The following KCNQ5 variants were observed in gnomAD, a reference collection of about 807,000 sequenced individuals.
The protein encoded by KCNQ5 is potassium voltage-gated channel subfamily KQT member 5.
Under a neutral mutation model 98.2 loss-of-function variants are expected in KCNQ5, and 30 were observed. That is an observed-to-expected ratio of 0.31 (90% confidence interval 0.23 to 0.41). KCNQ5 has a LOEUF of 0.41. Ranked by LOEUF, KCNQ5 falls within the 10% of genes least tolerant of loss-of-function variation. The pLI is 1.00. For missense variants in KCNQ5, 835 were observed against 1,182.5 expected, an observed-to-expected ratio of 0.71 and a Z score of 4.31; for synonymous variants, 458 against 449.4, an observed-to-expected ratio of 1.02 and a Z score of -0.24.
At chr6:72,840,201 G>A (rs572647927) in intron 1 of KCNQ5, among the ~76,000 whole-genome samples, 107 of 152,226 alleles carry the variant, frequency 7.0e-4, no homozygotes, top group Non-Finnish European at 1.3e-3. Context: ...ACAATTGTGA[G>A]TAATGCTGCA....
At chr6:73,111,911 T>A (rs1378047668) in intron 7 of KCNQ5, among the ~76,000 whole-genome samples, 1 of 152,222 alleles carries the variant, frequency 6.6e-6, no homozygotes, top group African/African-American at 2.4e-5. Flanking sequence ...TATCCTATTT[T>A]GAGAGCTGAT....
chr6:73,120,185 G>T (rs141642974), intron 7 of KCNQ5, among the ~76,000 whole-genome samples: 71 of 152,174 alleles, frequency 4.7e-4, no homozygotes, highest in African/African-American at 1.7e-3. Flanking sequence ...GGCAGAGATT[G>T]CAATGAGCTG....
rs72943353 is a variant in KCNQ5 at position 72,909,317 on chromosome 6, A to G, written c.399-94591A>G. Among the ~76,000 whole-genome samples the G allele has an allele frequency of 7.5e-3, 1,142 of 152,358 alleles. 9 individuals are homozygous for G. Among genetic ancestry groups the G allele is most frequent in the South Asian group, 0.021 (99 of 4,828 alleles). ...GATACTGAGTGAAGTTTTAAAAATA[A>G]AGAAAACAGAAGCAGTAATAGCAGA... is the stretch of plus-strand genomic sequence containing the variant. On this transcript the variant is annotated intron_variant, in intron 1 of 13. Transcript: ENST00000370398.
intron 1 of KCNQ5, among the ~76,000 whole-genome samples, chr6:72,775,059 C>T (rs1284767766): frequency 1.3e-5 from 2 of 152,096 alleles, no homozygotes; most frequent in African/African-American, 4.8e-5. Flanking sequence ...GGGAACTATC[C>T]AATGCACAGC....
At chr6:73,164,426 TA>T (rs1486287251) in intron 10 of KCNQ5, among the ~76,000 whole-genome samples, 1 of 152,210 alleles carries the variant, frequency 6.6e-6, no homozygotes, top group East Asian at 1.9e-4. Context: ...AATCAAGTTA[TA>T]AAGTGCTGTA....
intron 1 of KCNQ5, among the ~76,000 whole-genome samples, chr6:72,879,150 G>A (rs1171847290): frequency 1.3e-5 from 2 of 151,954 alleles, no homozygotes; most frequent in East Asian, 1.9e-4. Flanking sequence ...TAATTTTTAG[G>A]TTATAGGTTC....
At chr6:72,807,640 C>A (rs1260892060) in intron 1 of KCNQ5, among the ~76,000 whole-genome samples, 1 of 152,080 alleles carries the variant, frequency 6.6e-6, no homozygotes, top group African/African-American at 2.4e-5. Flanking sequence ...TCCTAAGTAA[C>A]TAGGACTAAA....
At chr6:73,024,381 TGATAGATA>T (rs1554198956) in intron 2 of KCNQ5, among the ~76,000 whole-genome samples, 38 of 120,654 alleles carry the variant, frequency 3.1e-4, no homozygotes, top group African/African-American at 1.2e-3. Flanking sequence ...GATAGATAGA[TGATAGATA>T]GATAGATAGA....
rs143091725 is a variant in KCNQ5 at position 72,942,858 on chromosome 6, G to A, written c.399-61050G>A. 1.2e-3 allele frequency among the ~76,000 whole-genome samples: 176 copies of A among 152,252 alleles called. 1 individual carries two copies. Among genetic ancestry groups the A allele is most frequent in the African/African-American group, 4.1e-3 (169 of 41,556 alleles). ...TTTGGCTGATTTCAGGAAGAAAAAT[G>A]GCTGTAGTTTTTAATGAAAAATCAC... is the stretch of plus-strand genomic sequence containing the variant. On this transcript the variant is annotated intron_variant, in intron 1 of 13. Transcript: ENST00000370398.
chr6:72,757,932 A>G (rs776976404), intron 1 of KCNQ5, among the ~76,000 whole-genome samples: 1 of 152,004 alleles, frequency 6.6e-6, no homozygotes, highest in East Asian at 1.9e-4. Flanking sequence ...GATGTGAGAG[A>G]TATTTATTTG....
intron 11 of KCNQ5, among the ~76,000 whole-genome samples, chr6:73,175,914 T>A (rs141903402): frequency 6.6e-6 from 1 of 152,270 alleles, no homozygotes; most frequent in African/African-American, 2.4e-5. Context: ...CTGGTAGATA[T>A]GTAGGAACTA....
chr6:73,050,002 A>C (rs1363726222), intron 3 of KCNQ5, among the ~76,000 whole-genome samples: 1 of 152,078 alleles, frequency 6.6e-6, no homozygotes, highest in Non-Finnish European at 1.5e-5. Flanking sequence ...CAACCTGGGC[A>C]ACATAATGAG....
At chr6:72,776,346 TATGA>T (rs1221152108) in intron 1 of KCNQ5, among the ~76,000 whole-genome samples, 1 of 152,254 alleles carries the variant, frequency 6.6e-6, no homozygotes, top group Non-Finnish European at 1.5e-5. Flanking sequence ...CATTAAACTT[TATGA>T]ATGTGAATTA....
intron 1 of KCNQ5, among the ~76,000 whole-genome samples, chr6:72,719,753 A>T (rs1769847246): frequency 6.6e-6 from 1 of 152,014 alleles, no homozygotes; most frequent in South Asian, 2.1e-4. Flanking sequence ...CTCCTCAGGG[A>T]TTGGACAGTG....
chr6:72,819,241 A>T (rs1482203749), intron 1 of KCNQ5, among the ~76,000 whole-genome samples: 1 of 152,150 alleles, frequency 6.6e-6, no homozygotes, highest in Non-Finnish European at 1.5e-5. Flanking sequence ...GCAATGTGAG[A>T]TAAGCACATC....
chr6:72,809,189 CAA>C (rs940262425), intron 1 of KCNQ5, among the ~76,000 whole-genome samples: 3 of 133,700 alleles, frequency 2.2e-5, no homozygotes, highest in African/African-American at 2.9e-5. Flanking sequence ...GGGAATTGAA[CAA>C]TGAGATCACA....
intron 3 of KCNQ5, among the ~76,000 whole-genome samples, chr6:73,063,686 T>TAGATA (rs55995543): frequency 3.4e-4 from 32 of 93,234 alleles, no homozygotes; most frequent in African/African-American, 1.2e-3. Flanking sequence ...GATAGATAGA[T>TAGATA]GATAGATAGA....
chr6:73,041,004 G>A (rs9341396), intron 2 of KCNQ5, among the ~76,000 whole-genome samples: 116,649 of 152,096 alleles, frequency 0.77, 47,369 homozygotes, highest in Non-Finnish European at 0.91. Context: ...ATCTATAAAT[G>A]TTGTTCTACA....
chr6:73,101,355 G>A (rs913949010), intron 5 of KCNQ5, among the ~76,000 whole-genome samples: 1 of 151,956 alleles, frequency 6.6e-6, no homozygotes, highest in Non-Finnish European at 1.5e-5. Flanking sequence ...ACACAACAAA[G>A]ATGCTCATTT....
Sources: gnomAD v4.1 joint callset for allele counts (sites outside exome capture counted in the v4.1 genomes callset) on GRCh38, gnomAD v4.1.1 for gene constraint, MANE v1.5 for transcripts, NCBI Gene and HGNC (gene_info 2026-07-23, HGNC 2026-07-21) for gene names.